DCAF8L2: variants seen among roughly 807,000 people sequenced by gnomAD.
The protein encoded by DCAF8L2 is DDB1 and CUL4 associated factor 8 like 2, also known as DDB1- and CUL4-associated factor 8-like protein 2.
For synonymous variants in DCAF8L2, 200 were observed against 190.9 expected, an observed-to-expected ratio of 1.05 and a Z score of -0.39; for missense variants, 430 against 490.7, an observed-to-expected ratio of 0.88 and a Z score of 1.17.
At chrX:27,625,985 G>A (rs1364317666) in intron 1 of DCAF8L2, among the ~76,000 whole-genome samples, 2 of 110,692 alleles carry the variant, frequency 1.8e-5, no homozygotes, top group Non-Finnish European at 3.8e-5. Flanking sequence ...TGTAACAATC[G>A]TGTGCATATA....
intron 1 of DCAF8L2, among the ~76,000 whole-genome samples, chrX:27,614,436 T>C (rs746329208): frequency 6.0e-4 from 67 of 111,713 alleles, no homozygotes; most frequent in Non-Finnish European, 9.0e-4. Context: ...GAAGGGTTTT[T>C]TGTGTCTCTA....
chrX:27,662,736 G>T (rs1240105265), intron 2 of DCAF8L2, among the ~76,000 whole-genome samples: 1 of 111,289 alleles, frequency 9.0e-6, no homozygotes, highest in Admixed American at 9.6e-5. Flanking sequence ...CAAAACACTT[G>T]TGAAGTGGCC....
At chrX:27,741,365 C>A (rs1443548480) in intron 4 of DCAF8L2, among the ~76,000 whole-genome samples, 1 of 110,703 alleles carries the variant, frequency 9.0e-6, no homozygotes, top group Non-Finnish European at 1.9e-5. Context: ...GCCACCAGAC[C>A]CTCAGGGTCT....
upstream of DCAF8L2, among the ~76,000 whole-genome samples, chrX:27,589,429 G>T (rs1925982210): frequency 8.9e-6 from 1 of 111,904 alleles, no homozygotes. Flanking sequence ...TGTAGGCCCA[G>T]CCTTGGATAT....
the DCAF8L2 span, among the ~76,000 whole-genome samples, chrX:27,545,939 T>G: frequency 9.0e-6 from 1 of 111,711 alleles, no homozygotes; most frequent in Non-Finnish European, 1.9e-5. Flanking sequence ...CTCATGCCTT[T>G]TCAAATTTCA....
At chrX:27,515,587 A>G in the DCAF8L2 span, among the ~76,000 whole-genome samples, 9 of 112,098 alleles carry the variant, frequency 8.0e-5, no homozygotes, top group African/African-American at 2.3e-4. Flanking sequence ...CATATTGCAA[A>G]TGGTTCTTGT....
chrX:27,659,468 C>T, intron 2 of DCAF8L2, among the ~76,000 whole-genome samples: 1 of 111,683 alleles, frequency 9.0e-6, no homozygotes, highest in Non-Finnish European at 1.9e-5. Flanking sequence ...CCTCCTATCT[C>T]CATCCTCCTA....
the DCAF8L2 span, among the ~76,000 whole-genome samples, chrX:27,469,468 G>C: frequency 4.5e-5 from 5 of 111,565 alleles, no homozygotes; most frequent in Admixed American, 2.9e-4. Context: ...CTTCAGTACA[G>C]TATAAGATAT....
chrX:27,518,851 A>G, the DCAF8L2 span: 1 of 549,854 alleles, frequency 1.8e-6, no homozygotes, highest in Non-Finnish European at 3.3e-6. Flanking sequence ...GCATGATGAC[A>G]AGTTGACATC....
intron 2 of DCAF8L2, among the ~76,000 whole-genome samples, chrX:27,674,856 AT>A (rs767395794): frequency 9.0e-6 from 1 of 111,703 alleles, no homozygotes; most frequent in Non-Finnish European, 1.9e-5. Context: ...TCAATTCAGA[AT>A]TGAGGCTTTA....
chrX:27,709,918 CCTAT>C (rs1349085608), intron 3 of DCAF8L2, among the ~76,000 whole-genome samples: 3 of 110,533 alleles, frequency 2.7e-5, no homozygotes, highest in Non-Finnish European at 5.7e-5. Context: ...TTTTGTGTGT[CCTAT>C]CTAATAAATC....
intron 1 of DCAF8L2, among the ~76,000 whole-genome samples, chrX:27,625,128 A>G (rs1388560766): frequency 1.8e-5 from 2 of 112,085 alleles, no homozygotes; most frequent in Non-Finnish European, 1.9e-5. Context: ...GAATCTCTAA[A>G]GAATTTAAAC....
Position 27,708,242 on chromosome X carries a change from G to A in DCAF8L2, c.-142-7846G>A, listed in dbSNP as rs763824984. 4.9e-4 allele frequency among the ~76,000 whole-genome samples: 55 copies of A among 111,785 alleles called. 1 individual carries two copies. Among genetic ancestry groups the A allele is most frequent in the African/African-American group, 1.7e-3 (51 of 30,769 alleles). ...CAGTATTTAGCTCTCACTTACAAAT[G>A]AGAACATGCGCTATTGTTTCCTGCA... On this transcript the variant is annotated intron_variant, in intron 3 of 4. Transcript: ENST00000451261.
chrX:27,571,783 A>T, the DCAF8L2 span, among the ~76,000 whole-genome samples: 2 of 111,379 alleles, frequency 1.8e-5, no homozygotes, highest in Admixed American at 9.6e-5. Context: ...TGTTGGGAAA[A>T]CACATGCAAA....
rs199701692 is a variant in DCAF8L2 at position 27,662,343 on chromosome X, TATAAA to T, written c.-219-15491_-219-15487del. Among the ~76,000 whole-genome samples the T allele has an allele frequency of 9.6e-3, 1,076 of 111,597 alleles. 14 individuals are homozygous for T. Among genetic ancestry groups the T allele is most frequent in the African/African-American group, 0.033 (1,028 of 30,785 alleles). On this transcript the variant is annotated intron_variant, in intron 2 of 4. Transcript: ENST00000451261. ...CTTAGGAAGAATATATATGCACACA[TATAAA>T]AGAAAATAGGGATATTTTTTCCATT... is the stretch of plus-strand genomic sequence containing the variant.
chrX:27,592,424 T>G (rs1161584658), intron 1 of DCAF8L2, among the ~76,000 whole-genome samples: 10 of 108,110 alleles, frequency 9.2e-5, no homozygotes, highest in South Asian at 4.0e-4. Flanking sequence ...TTTGTTTTTT[T>G]TTTTTTTGGT....
intron 1 of DCAF8L2, among the ~76,000 whole-genome samples, chrX:27,593,646 A>G (rs1327568307): frequency 9.0e-6 from 1 of 111,481 alleles, no homozygotes; most frequent in East Asian, 2.9e-4. Flanking sequence ...TCATAGGCCT[A>G]TTGCTTGTCC....
chrX:27,702,364 G>A (rs1931158968), intron 3 of DCAF8L2, among the ~76,000 whole-genome samples: 1 of 105,537 alleles, frequency 9.5e-6, no homozygotes, highest in Non-Finnish European at 1.9e-5. Context: ...TTTGAGTCCA[G>A]TATTACCCCG....
At chrX:27,655,147 C>T (rs1365640984) in intron 2 of DCAF8L2, among the ~76,000 whole-genome samples, 1 of 110,638 alleles carries the variant, frequency 9.0e-6, no homozygotes, top group Admixed American at 9.7e-5. Context: ...AAAAAGTATG[C>T]ATATTAAACT....
Sources: gnomAD v4.1 joint callset for allele counts (sites outside exome capture counted in the v4.1 genomes callset) on GRCh38, gnomAD v4.1.1 for gene constraint, MANE v1.5 for transcripts, NCBI Gene and HGNC (gene_info 2026-07-23, HGNC 2026-07-21) for gene names.